The following EYA2 variants were observed in gnomAD, a reference collection of about 807,000 sequenced individuals.
EYA2 encodes protein phosphatase EYA2.
In EYA2, 31 loss-of-function variants were observed where a neutral mutation model predicts 69.2. That is an observed-to-expected ratio of 0.45 (90% confidence interval 0.34 to 0.60). The LOEUF (loss-of-function observed/expected upper bound fraction) is 0.60, where lower values mean the gene tolerates loss of function less well. Among genes scored for constraint, EYA2 ranks in the 20% least tolerant of loss-of-function variants. The pLI is 0.02. For missense variants in EYA2, 622 were observed against 701.2 expected (o/e 0.89, Z 1.28); for synonymous variants, 257 against 279.4 (o/e 0.92, Z 0.80).
chr20:47,033,193 A>G (rs1467918270), intron 5 of EYA2, among the ~76,000 whole-genome samples: 2 of 152,200 alleles, frequency 1.3e-5, no homozygotes, highest in Middle Eastern at 3.2e-3. Flanking sequence ...CTTAGGAGCA[A>G]GAGAAGAGAG....
intron 15 of EYA2, among the ~76,000 whole-genome samples, chr20:47,187,774 C>A (rs2034674948): frequency 6.6e-6 from 1 of 152,260 alleles, no homozygotes; most frequent in Non-Finnish European, 1.5e-5. Context: ...CCGCCTAAGA[C>A]CACGCTGGTA....
chr20:46,914,908 TTTTAGGCAAAAGCTGACC>T (rs781090679), intron 1 of EYA2, among the ~76,000 whole-genome samples: 2 of 152,130 alleles, frequency 1.3e-5, no homozygotes, highest in Non-Finnish European at 2.9e-5. Context: ...TTGGGTTCAG[TTTTAGGCAAAAGCTGACC>T]TGCCTTCAAA....
chr20:47,065,870 T>TA (rs2031089853), intron 5 of EYA2, among the ~76,000 whole-genome samples: 1 of 152,202 alleles, frequency 6.6e-6, no homozygotes, highest in Non-Finnish European at 1.5e-5. Context: ...CTCACTTCCT[T>TA]ATGTATCTGT....
intron 10 of EYA2, among the ~76,000 whole-genome samples, chr20:47,160,377 T>C (rs1198770108): frequency 1.3e-5 from 2 of 152,296 alleles, no homozygotes; most frequent in Admixed American, 1.3e-4. Flanking sequence ...ATAGATGTGT[T>C]CTAATAAAAC....
At chr20:47,083,606 CTGAT>C (rs2031796716) in intron 7 of EYA2, among the ~76,000 whole-genome samples, 1 of 145,862 alleles carries the variant, frequency 6.9e-6, no homozygotes, top group Non-Finnish European at 1.5e-5. Context: ...CGTGGAACAA[CTGAT>C]TATCTATACT....
chr20:47,187,249 G>T (rs540547831), intron 15 of EYA2, among the ~76,000 whole-genome samples: 2 of 151,550 alleles, frequency 1.3e-5, no homozygotes, highest in East Asian at 3.9e-4. Context: ...TGCATCTGTT[G>T]TCCCAGCTAC....
intron 4 of EYA2, among the ~76,000 whole-genome samples, chr20:47,015,587 C>G (rs1330548081): frequency 6.6e-6 from 1 of 152,126 alleles, no homozygotes; most frequent in African/African-American, 2.4e-5. Context: ...ACCTACCAAG[C>G]TGGCAGGTAG....
At chr20:47,116,901 C>T (rs149195512) in intron 9 of EYA2, among the ~76,000 whole-genome samples, 99 of 152,260 alleles carry the variant, frequency 6.5e-4, no homozygotes, top group Non-Finnish European at 1.2e-3. Flanking sequence ...ACATAAGTCT[C>T]CTGGCTACTG....
rs76573627 is a variant in EYA2 at position 47,143,255 on chromosome 20, C to T, written c.978+107C>T. On this transcript the variant is annotated intron_variant, in intron 10 of 15. Coordinates refer to ENST00000327619, the MANE Select transcript of EYA2 (RefSeq NM_005244.5). ...CCTTTCTTTTTCTTTTTCTTTTTTTCTCCTTTTTCTTTTAGAAGCTTGAAA... is the reference window on the plus strand; with the variant it reads ...CCTTTCTTTTTCTTTTTCTTTTTTTTTCCTTTTTCTTTTAGAAGCTTGAAA... The T allele has an allele frequency of 0.012, 12,888 of 1,038,212 alleles. 836 individuals carry two copies. In the East Asian group the frequency reaches 0.19, roughly 15 times the overall value. The allele number at this position is 1,038,212 out of a possible 1,614,324, so 64.3% of individuals were successfully genotyped here. A position where few individuals can be genotyped will look rare whatever the true frequency, so the allele number is the denominator to read the frequency against.
intron 1 of EYA2, among the ~76,000 whole-genome samples, chr20:46,959,598 C>A (rs1206766): frequency 6.6e-6 from 1 of 152,074 alleles, no homozygotes; most frequent in Non-Finnish European, 1.5e-5. Flanking sequence ...ATCACTCTGC[C>A]GTTGGCATCC....
At chr20:46,962,351 C>T (rs1194100567) in intron 1 of EYA2, among the ~76,000 whole-genome samples, 3 of 152,256 alleles carry the variant, frequency 2.0e-5, no homozygotes, top group Non-Finnish European at 4.4e-5. Context: ...ATGTCCCCAA[C>T]ATAAAGAAAT....
At chr20:47,019,797 C>G (rs1435950685) in intron 5 of EYA2, among the ~76,000 whole-genome samples, 1 of 141,266 alleles carries the variant, frequency 7.1e-6, no homozygotes, top group East Asian at 2.0e-4. Context: ...TGGTGAAACC[C>G]ATCTCTACAA....
chr20:47,107,016 C>T (rs987015032), intron 9 of EYA2, among the ~76,000 whole-genome samples: 1 of 152,000 alleles, frequency 6.6e-6, no homozygotes, highest in South Asian at 2.1e-4. Flanking sequence ...ACAACAAACC[C>T]GTGAATCAAC....
At chr20:47,108,306 G>A (rs2032649018) in intron 9 of EYA2, among the ~76,000 whole-genome samples, 1 of 152,098 alleles carries the variant, frequency 6.6e-6, no homozygotes, top group Non-Finnish European at 1.5e-5. Context: ...GTTGAAAAGA[G>A]CCTGGCAGCT....
chr20:47,167,606 G>C (rs6066220), intron 10 of EYA2, among the ~76,000 whole-genome samples: 2 of 151,782 alleles, frequency 1.3e-5, no homozygotes, highest in Admixed American at 1.3e-4. Flanking sequence ...GTTTGTTTTA[G>C]TTTTTCTTTC....
intron 1 of EYA2, among the ~76,000 whole-genome samples, chr20:46,972,693 A>G (rs1467152758): frequency 6.6e-6 from 1 of 152,156 alleles, no homozygotes; most frequent in Non-Finnish European, 1.5e-5. Context: ...AGAGAAGTCA[A>G]GGAAGATCCC....
chr20:47,110,001 A>G (rs1272031377), intron 9 of EYA2, among the ~76,000 whole-genome samples: 1 of 152,162 alleles, frequency 6.6e-6, no homozygotes, highest in Non-Finnish European at 1.5e-5. Context: ...CAGGGAGGAC[A>G]CTCAGGCTTC....
intron 11 of EYA2, among the ~76,000 whole-genome samples, chr20:47,171,745 A>G (rs1332801545): frequency 6.6e-6 from 1 of 152,104 alleles, no homozygotes; most frequent in Non-Finnish European, 1.5e-5. Context: ...CCTAACATCT[A>G]GACATCTCCC....
chr20:47,045,949 G>T (rs557351957), intron 5 of EYA2, among the ~76,000 whole-genome samples: 1 of 152,060 alleles, frequency 6.6e-6, no homozygotes, highest in Non-Finnish European at 1.5e-5. Flanking sequence ...TCTTCTATAC[G>T]ACAGCTAACA....
Sources: allele counts gnomAD v4.1 joint callset (sites outside exome capture counted in the v4.1 genomes callset), GRCh38; gene constraint gnomAD v4.1.1; transcripts MANE v1.5; gene names NCBI Gene and HGNC (gene_info 2026-07-23, HGNC 2026-07-21).